Variants in PRSS23 observed in about 807,000 individuals in gnomAD.
PRSS23 encodes serine protease 23, also known as protease, serine 23.
Under a neutral mutation model 34.7 loss-of-function variants are expected in PRSS23, and 25 were observed. That is an observed-to-expected ratio of 0.72 (90% CI 0.53 to 1.01). PRSS23 has a LOEUF of 1.01. Among genes scored for constraint, PRSS23 ranks in the 50% least tolerant of loss-of-function variants. PRSS23 has a pLI of 0.00. For synonymous variants in PRSS23, 176 were observed against 186.6 expected (o/e 0.94, Z 0.46); for missense variants, 445 against 475.6 (o/e 0.94, Z 0.60).
Position 86,808,734 on chromosome 11 carries a change from T to C in PRSS23, c.1091T>C (p.Leu364Pro). 1 of 1,614,140 alleles carries C rather than the reference T, an allele frequency of 6.2e-7. No individual in the cohort carries two copies. The highest frequency in any genetic ancestry group is 8.5e-7 in the Non-Finnish European group (1 of 1,179,996). ...AACGTGGCTGTCAGAATCACTCCTC[T>C]CAAATATGCCCAGATTTGCTATTGG... The part of the protein sequence containing the change: ...DFNVAVRITP[L>P]KYAQICYWIK... The change falls in exon 2 of 2, where the codon CTC becomes CCC. Residue 364 changes from leucine to proline, a missense_variant. Transcript: ENST00000280258.
At chr11:86,905,630 T>G (rs569485161) in intron 2 of PRSS23, among the ~76,000 whole-genome samples, 6 of 152,362 alleles carry the variant, frequency 3.9e-5, no homozygotes, top group African/African-American at 1.4e-4. Flanking sequence ...TCTCACAATG[T>G]CTGCCTCCCT....
chr11:86,928,587 A>T (rs1590931816), intron 2 of PRSS23, among the ~76,000 whole-genome samples: 1 of 143,810 alleles, frequency 7.0e-6, no homozygotes, highest in Non-Finnish European at 1.5e-5. Context: ...AGGCAGGAGA[A>T]TGGCTTGAAC....
intron 2 of PRSS23, among the ~76,000 whole-genome samples, chr11:86,855,874 C>T (rs772644176): frequency 6.6e-6 from 1 of 152,182 alleles, no homozygotes; most frequent in Non-Finnish European, 1.5e-5. Context: ...GCTTATTTCA[C>T]TTAATATACT....
At chr11:86,854,653 C>T (rs987602250) in intron 2 of PRSS23, among the ~76,000 whole-genome samples, 11 of 152,136 alleles carry the variant, frequency 7.2e-5, no homozygotes, top group Admixed American at 6.5e-4. Flanking sequence ...AGCTCTTGGG[C>T]GTAAGTCTTT....
At chr11:86,930,641 T>G (rs1282224040) in intron 2 of PRSS23, among the ~76,000 whole-genome samples, 1 of 151,898 alleles carries the variant, frequency 6.6e-6, no homozygotes, top group Non-Finnish European at 1.5e-5. Flanking sequence ...AATACAAAAA[T>G]TAGCCGGGCG....
chr11:86,844,127 A>T (rs1204374729), intron 2 of PRSS23, among the ~76,000 whole-genome samples: 1 of 152,228 alleles, frequency 6.6e-6, no homozygotes, highest in East Asian at 1.9e-4. Context: ...ACATGGATGA[A>T]GCCTGTAACC....
intron 2 of PRSS23, among the ~76,000 whole-genome samples, chr11:86,930,055 T>C (rs1444879925): frequency 6.6e-6 from 1 of 152,022 alleles, no homozygotes; most frequent in Non-Finnish European, 1.5e-5. Context: ...AGTATTATAC[T>C]ATACTATAAT....
At chr11:86,855,999 A>T (rs1355117026) in intron 2 of PRSS23, among the ~76,000 whole-genome samples, 1 of 152,174 alleles carries the variant, frequency 6.6e-6, no homozygotes, top group Admixed American at 6.5e-5. Flanking sequence ...CAAATTTTTT[A>T]AAAATATATA....
chr11:86,911,538 T>C (rs1213446248), intron 2 of PRSS23: 3 of 152,168 alleles, frequency 2.0e-5, no homozygotes, highest in African/African-American at 4.8e-5. Flanking sequence ...TATGTACCCA[T>C]TGATTAGCTT....
Position 86,900,958 on chromosome 11 carries a change from T to C in PRSS23, c.207-50258T>C, listed in dbSNP as rs190152410. Among the ~76,000 whole-genome samples, 411 of 152,022 alleles carry C rather than the reference T, an allele frequency of 2.7e-3. 3 individuals carry two copies. Among genetic ancestry groups the C allele is most frequent in the Non-Finnish European group, 4.6e-3 (315 of 67,980 alleles). ...CACCACCACACCTAGCTAACTTTTG[T>C]ATTTTTAGTAGAGATGGGGTTTCAC... On this transcript the variant is annotated intron_variant, in intron 2 of 2. Coordinates refer to the PRSS23 transcript ENST00000533902.
At chr11:86,900,629 C>T (rs1293868275) in intron 2 of PRSS23, among the ~76,000 whole-genome samples, 1 of 152,076 alleles carries the variant, frequency 6.6e-6, no homozygotes, top group Non-Finnish European at 1.5e-5. Context: ...CTATGTCACA[C>T]CTGTGTTTGC....
At chr11:86,897,577 ATCC>A (rs1214515607) in intron 2 of PRSS23, among the ~76,000 whole-genome samples, 1 of 152,188 alleles carries the variant, frequency 6.6e-6, no homozygotes, top group African/African-American at 2.4e-5. Context: ...GGCTCAAGTA[ATCC>A]TCCTGCCTCA....
chr11:86,808,711 C>G lies in PRSS23; in HGVS notation c.1068C>G (p.Asn356Lys). 1 of 1,614,124 alleles carries G rather than the reference C, an allele frequency of 6.2e-7. No homozygotes were observed. Among genetic ancestry groups the G allele is most frequent in the Non-Finnish European group, 8.5e-7 (1 of 1,180,012 alleles). The change falls in exon 2 of 2, where the codon AAC becomes AAG. Residue 356 changes from asparagine (N) to lysine (K), a missense_variant. Asn to Lys is a moderately conservative substitution (Grantham distance 94, BLOSUM62 0). Transcript: ENST00000280258. ...TGAATGGTTCCCCACAGGATTTCAACGTGGCTGTCAGAATCACTCCTCTCA... is the reference window on the plus strand; with the variant it reads ...TGAATGGTTCCCCACAGGATTTCAAGGTGGCTGTCAGAATCACTCCTCTCA... The part of the protein sequence containing the change: ...VDMNGSPQDF[N>K]VAVRITPLKY...
At chr11:86,840,210 C>T (rs1948437430) in intron 2 of PRSS23, among the ~76,000 whole-genome samples, 2 of 152,128 alleles carry the variant, frequency 1.3e-5, no homozygotes, top group Non-Finnish European at 2.9e-5. Context: ...ATACCCATCT[C>T]ATGTGCAAAG....
intron 2 of PRSS23, among the ~76,000 whole-genome samples, chr11:86,865,637 A>C (rs569496114): frequency 4.7e-4 from 72 of 152,286 alleles, no homozygotes; most frequent in African/African-American, 1.6e-3. Flanking sequence ...ATCAGTTAGC[A>C]GGTTTATGCT....
At chr11:86,929,254 G>A (rs1232580657) in intron 2 of PRSS23, among the ~76,000 whole-genome samples, 2 of 151,816 alleles carry the variant, frequency 1.3e-5, no homozygotes, top group Non-Finnish European at 2.9e-5. Context: ...CCTGGGAAGC[G>A]GAGGTTGCGG....
chr11:86,801,528 C>G (rs545458499), intron 1 of PRSS23, among the ~76,000 whole-genome samples: 1 of 152,312 alleles, frequency 6.6e-6, no homozygotes, highest in East Asian at 1.9e-4. Context: ...GCTCCTGAAA[C>G]TAAATTTGAG....
chr11:86,911,657 TTCACA>T (rs750891648), intron 2 of PRSS23: 3 of 152,248 alleles, frequency 2.0e-5, no homozygotes, highest in Non-Finnish European at 2.9e-5. Flanking sequence ...TTCATTCTTT[TTCACA>T]TCACATCACT....
intron 2 of PRSS23, among the ~76,000 whole-genome samples, chr11:86,855,214 C>T (rs184443497): frequency 4.3e-4 from 66 of 151,734 alleles, no homozygotes; most frequent in African/African-American, 1.5e-3. Flanking sequence ...CCAGTCTAGC[C>T]TCAAAAAGAA....
Sources: gnomAD v4.1 joint callset for allele counts (sites outside exome capture counted in the v4.1 genomes callset) on GRCh38, gnomAD v4.1.1 for gene constraint, MANE v1.5 for transcripts, NCBI Gene and HGNC (gene_info 2026-07-23, HGNC 2026-07-21) for gene names.